RFTN2: variants seen among roughly 807,000 people sequenced by gnomAD.
RFTN2 encodes raftlin family member 2.
A neutral mutation model predicts 52.7 loss-of-function variants in RFTN2; 34 were observed. That is an observed-to-expected ratio of 0.64 (90% CI 0.49 to 0.86). The LOEUF is 0.86. RFTN2 is among the 40% of genes least tolerant of loss of function. The pLI is 0.00. For synonymous variants in RFTN2, 203 were observed against 217.7 expected (o/e 0.93, Z 0.59); for missense variants, 536 against 600.1 (o/e 0.89, Z 1.12).
intron 3 of RFTN2, among the ~76,000 whole-genome samples, chr2:197,643,060 T>C (rs1446950723): frequency 6.6e-6 from 1 of 152,162 alleles, no homozygotes; most frequent in Admixed American, 6.5e-5. Context: ...AGTTGTATTA[T>C]GAATGTTAGC....
intron 5 of RFTN2, among the ~76,000 whole-genome samples, chr2:197,627,252 A>G (rs1040343076): frequency 6.6e-6 from 1 of 152,140 alleles, no homozygotes; most frequent in Non-Finnish European, 1.5e-5. Context: ...GCCCAGTCTC[A>G]GTGTGATTGC....
At chr2:197,605,187 A>G (rs2087939231) in intron 7 of RFTN2, among the ~76,000 whole-genome samples, 1 of 151,640 alleles carries the variant, frequency 6.6e-6, no homozygotes, top group South Asian at 2.1e-4. Flanking sequence ...CCCCCTTTAC[A>G]TTTATTCTTT....
chr2:197,645,662 G>A (rs1353627897), intron 2 of RFTN2, among the ~76,000 whole-genome samples: 1 of 152,136 alleles, frequency 6.6e-6, no homozygotes, highest in African/African-American at 2.4e-5. Flanking sequence ...ATTAGATTTT[G>A]GAAAAAGGTT....
At chr2:197,626,401 A>AAAAAAATTT (rs2088359565) in intron 5 of RFTN2, among the ~76,000 whole-genome samples, 1 of 151,904 alleles carries the variant, frequency 6.6e-6, no homozygotes, top group South Asian at 2.1e-4. Flanking sequence ...CCATGTCTAC[A>AAAAAAATTT]AAAAAATTTA....
intron 1 of RFTN2, among the ~76,000 whole-genome samples, chr2:197,662,198 C>G (rs181347036): frequency 2.9e-4 from 44 of 152,150 alleles, no homozygotes; most frequent in African/African-American, 1.0e-3. Flanking sequence ...GCCATAAAAT[C>G]TTTCCTAGGC....
intron 1 of RFTN2, among the ~76,000 whole-genome samples, chr2:197,671,025 C>G (rs1210691866): frequency 6.6e-6 from 1 of 152,208 alleles, no homozygotes; most frequent in Non-Finnish European, 1.5e-5. Context: ...TCCTCATCAT[C>G]ATTAGCCTTG....
intron 1 of RFTN2, among the ~76,000 whole-genome samples, chr2:197,670,082 C>T (rs1340330587): frequency 6.6e-6 from 1 of 152,158 alleles, no homozygotes; most frequent in East Asian, 1.9e-4. Flanking sequence ...TGTAGTTCCT[C>T]TGTTTCCACT....
chr2:197,669,949 A>G (rs1426795345), intron 1 of RFTN2, among the ~76,000 whole-genome samples: 1 of 152,260 alleles, frequency 6.6e-6, no homozygotes, highest in East Asian at 1.9e-4. Flanking sequence ...TTCTTAGTTT[A>G]CTTCCCAGAA....
chr2:197,600,599 C>T (rs532941335), intron 7 of RFTN2, among the ~76,000 whole-genome samples: 2 of 152,166 alleles, frequency 1.3e-5, no homozygotes, highest in East Asian at 1.9e-4. Flanking sequence ...TCAGTGGTTC[C>T]TGAGATAATT....
intron 1 of RFTN2, among the ~76,000 whole-genome samples, chr2:197,649,307 T>C (rs758735063): frequency 2.0e-5 from 3 of 151,958 alleles, no homozygotes; most frequent in Non-Finnish European, 4.4e-5. Flanking sequence ...ACTTCAGGAG[T>C]CTCTAGCATA....
chr2:197,585,526 T>C (rs538608874), intron 8 of RFTN2, among the ~76,000 whole-genome samples: 4 of 152,276 alleles, frequency 2.6e-5, no homozygotes, highest in African/African-American at 9.6e-5. Context: ...TTTACTTTTA[T>C]ACTCACTCTT....
intron 1 of RFTN2, among the ~76,000 whole-genome samples, chr2:197,662,777 T>C (rs2088997233): frequency 6.6e-6 from 1 of 152,132 alleles, no homozygotes; most frequent in Admixed American, 6.6e-5. Flanking sequence ...ATTTCGTTCT[T>C]TAAAAATTTT....
At chr2:197,594,241 C>T (rs182118472) in intron 8 of RFTN2, among the ~76,000 whole-genome samples, 210 of 151,904 alleles carry the variant, frequency 1.4e-3, no homozygotes, top group African/African-American at 4.9e-3. Flanking sequence ...GTCTTGATCT[C>T]TTGACCTCAT....
chr2:197,655,321 T>G (rs1052629570), intron 1 of RFTN2, among the ~76,000 whole-genome samples: 1 of 152,204 alleles, frequency 6.6e-6, no homozygotes, highest in African/African-American at 2.4e-5. Context: ...TAAGTTCTGC[T>G]TTTCTGGTCT....
intron 5 of RFTN2, among the ~76,000 whole-genome samples, chr2:197,628,180 C>T (rs201769094): frequency 6.6e-6 from 1 of 151,958 alleles, no homozygotes; most frequent in African/African-American, 2.4e-5. Context: ...ACAATTTCCC[C>T]TTGGCAACTT....
chr2:197,580,842 T>C (rs1160351590), intron 8 of RFTN2, among the ~76,000 whole-genome samples: 1 of 152,156 alleles, frequency 6.6e-6, no homozygotes, highest in Non-Finnish European at 1.5e-5. Context: ...CACTCTTTTT[T>C]AGTTATCCCC....
intron 4 of RFTN2, among the ~76,000 whole-genome samples, chr2:197,633,099 G>A (rs1015593380): frequency 4.6e-5 from 7 of 152,074 alleles, no homozygotes; most frequent in African/African-American, 1.7e-4. Context: ...TGCCCACAAA[G>A]GTATCAGAAA....
chr2:197,578,325 A>G (rs62277863), intron 8 of RFTN2, among the ~76,000 whole-genome samples: 1 of 152,192 alleles, frequency 6.6e-6, no homozygotes, highest in Non-Finnish European at 1.5e-5. Context: ...ATGTTAAAAG[A>G]TGGCAAAAAT....
intron 8 of RFTN2, 73 bp downstream of exon 8, chr2:197,595,918 G>T: frequency 9.7e-7 from 1 of 1,035,080 alleles, no homozygotes; most frequent in South Asian, 1.4e-5. Context: ...TTCTTATTTG[G>T]AATTACAATG....
Sources: gnomAD v4.1 joint callset for allele counts (sites outside exome capture counted in the v4.1 genomes callset) on GRCh38, gnomAD v4.1.1 for gene constraint, MANE v1.5 for transcripts, NCBI Gene and HGNC (gene_info 2026-07-23, HGNC 2026-07-21) for gene names.